Variants in ERICH1 observed in about 807,000 individuals in gnomAD.
ERICH1 encodes glutamate-rich protein 1.
A neutral mutation model predicts 39.6 loss-of-function variants in ERICH1; 56 were observed. The ratio of observed to expected loss-of-function variants is 1.41; its 90% confidence interval spans 1.14 to 1.77. The LOEUF is 1.77. ERICH1 is among the 40% of genes most tolerant of loss of function. The pLI, the probability that ERICH1 is intolerant of heterozygous loss-of-function variation, is 0.00. For synonymous variants in ERICH1, 313 were observed against 223.6 expected (o/e 1.40, Z -3.57); for missense variants, 826 against 575.4 (o/e 1.44, Z -4.45).
chr8:638,934 C>T (rs889080879), intron 3 of ERICH1, among the ~76,000 whole-genome samples: 1 of 152,128 alleles, frequency 6.6e-6, no homozygotes, highest in Non-Finnish European at 1.5e-5. Context: ...CCTGACAAGA[C>T]AGTTTTGAAC....
intron 2 of ERICH1, among the ~76,000 whole-genome samples, chr8:698,081 G>A (rs367766240): frequency 2.6e-4 from 40 of 152,242 alleles, no homozygotes; most frequent in African/African-American, 8.7e-4. Flanking sequence ...GGAGGCATGC[G>A]CTCTGCGCCC....
chr8:722,186 C>T (rs779372802), intron 1 of ERICH1, among the ~76,000 whole-genome samples: 2 of 151,092 alleles, frequency 1.3e-5, no homozygotes, highest in Non-Finnish European at 2.9e-5. Flanking sequence ...AAGCAATCAC[C>T]GGAAAATAAA....
At chr8:662,705 G>C (rs77942954), downstream of ERICH1, among the ~76,000 whole-genome samples, 1 of 152,240 alleles carries the variant, frequency 6.6e-6, no homozygotes, top group African/African-American at 2.4e-5. Context: ...GAGGTTTGCA[G>C]GCTGGTGCCT....
chr8:622,595 T>G (rs1009060328), intron 3 of ERICH1, among the ~76,000 whole-genome samples: 1 of 152,146 alleles, frequency 6.6e-6, no homozygotes, highest in Non-Finnish European at 1.5e-5. Flanking sequence ...TATTTTGATA[T>G]CACAGTCCAA....
chr8:614,967 G>C, exon 4 of ERICH1: 1 of 367,200 alleles, frequency 2.7e-6, no homozygotes, highest in Non-Finnish European at 4.8e-6. Context: ...CTGTGACTGA[G>C]CCACAGGCTC....
Position 668,752 on chromosome 8 carries a change from G to A in ERICH1, c.1104C>T (p.Ala368=), listed in dbSNP as rs544295245. 2.6e-5 allele frequency: 42 copies of A among 1,612,914 alleles called. No individual in the cohort carries two copies. Among genetic ancestry groups the A allele is most frequent in the South Asian group, 4.4e-5 (4 of 91,032 alleles). The change falls in exon 5 of 6, where the codon GCC becomes GCT. Residue 368 remains alanine (A), a synonymous_variant. Coordinates refer to ENST00000262109, the MANE Select transcript of ERICH1 (RefSeq NM_207332.3). ...RDAASAALAD[A]AEELLDRLAS... ...CAAGGCGGTCCAGCAGCTCCTCAGC[G>A]GCATCTGCGAGGGCAGCTGAAGCTG...
intron 2 of ERICH1, among the ~76,000 whole-genome samples, chr8:697,382 G>C (rs1810570770): frequency 6.6e-6 from 1 of 152,156 alleles, no homozygotes; most frequent in Non-Finnish European, 1.5e-5. Context: ...TGAATCGGCA[G>C]GAAAAAGTGC....
chr8:730,428 T>A (rs547013818), intron 1 of ERICH1, among the ~76,000 whole-genome samples: 3 of 152,232 alleles, frequency 2.0e-5, no homozygotes, highest in Admixed American at 1.3e-4. Flanking sequence ...AGCGCCTGAA[T>A]TAATCCAAGT....
chr8:719,735 C>G (rs562989118), intron 1 of ERICH1, among the ~76,000 whole-genome samples: 130 of 152,336 alleles, frequency 8.5e-4, no homozygotes, highest in African/African-American at 3.0e-3. Flanking sequence ...AGTGCCCACA[C>G]TTGCACATGT....
At position 673,950 on chromosome 8, in the gene ERICH1, T is replaced by C; in HGVS notation, c.402A>G (p.Ala134=). The C allele has an allele frequency of 1.2e-6, 2 of 1,610,334 alleles. No individual in the cohort carries two copies. Among genetic ancestry groups the C allele is most frequent in the Admixed American group, 1.7e-5 (1 of 59,568 alleles). The stretch of plus-strand genomic sequence containing the variant: ...ACAGACTCTGCTGTTTCTCTAATTC[T>C]GCTTGTTCTATAAGAACATTATTGG... ...KNPNNVLIEQ[A]ELEKQQSLLQ... The change falls in exon 4 of 6, where the codon GCA becomes GCG. Residue 134 remains alanine (A), a synonymous_variant. Coordinates refer to ENST00000262109, the MANE Select transcript of ERICH1 (RefSeq NM_207332.3).
chr8:641,654 C>T (rs1286627952), intron 3 of ERICH1, among the ~76,000 whole-genome samples: 1 of 152,208 alleles, frequency 6.6e-6, no homozygotes, highest in African/African-American at 2.4e-5. Context: ...GTGATCTAAT[C>T]AGTGGAGAAC....
intron 3 of ERICH1, among the ~76,000 whole-genome samples, chr8:650,618 C>A (rs1001714956): frequency 4.6e-5 from 7 of 152,198 alleles, no homozygotes; most frequent in Non-Finnish European, 7.3e-5. Flanking sequence ...TCAACGCGCT[C>A]AGATTCCAGA....
chr8:716,183 C>T (rs1485247247), intron 1 of ERICH1, among the ~76,000 whole-genome samples, 176 bp from the exon 2 acceptor site: 3 of 152,260 alleles, frequency 2.0e-5, no homozygotes, highest in African/African-American at 7.2e-5. Flanking sequence ...CCAGACTCTG[C>T]CCGCAGAGGA....
At chr8:726,768 C>T (rs1818818424) in intron 1 of ERICH1, among the ~76,000 whole-genome samples, 1 of 151,964 alleles carries the variant, frequency 6.6e-6, no homozygotes, top group African/African-American at 2.4e-5. Flanking sequence ...CACACAGACA[C>T]ATGTACACAT....
intron 2 of ERICH1, among the ~76,000 whole-genome samples, chr8:709,608 A>T (rs55970100): frequency 0.25 from 38,122 of 152,236 alleles, 5,720 homozygotes; most frequent in Non-Finnish European, 0.34. Flanking sequence ...TATCTTACAG[A>T]TGCCACTGAA....
chr8:663,410 C>T (rs1256600378), downstream of ERICH1, among the ~76,000 whole-genome samples: 2 of 152,192 alleles, frequency 1.3e-5, no homozygotes, highest in Non-Finnish European at 2.9e-5. Context: ...CCCAGCAGCC[C>T]GCCTGACACC....
intron 3 of ERICH1, among the ~76,000 whole-genome samples, chr8:641,830 G>T (rs565956153): frequency 6.6e-6 from 1 of 152,078 alleles, no homozygotes; most frequent in Non-Finnish European, 1.5e-5. Flanking sequence ...CAGAATCAAC[G>T]CCCCGGCTCT....
intron 1 of ERICH1, among the ~76,000 whole-genome samples, chr8:717,728 C>A (rs760364930): frequency 6.6e-6 from 1 of 152,254 alleles, no homozygotes; most frequent in Admixed American, 6.5e-5. Context: ...GGGCAGCCAA[C>A]GCGGACATGT....
At chr8:621,753 G>A (rs1347781544) in intron 3 of ERICH1, among the ~76,000 whole-genome samples, 1 of 151,948 alleles carries the variant, frequency 6.6e-6, no homozygotes, top group Non-Finnish European at 1.5e-5. Context: ...ATGGAAGGGA[G>A]GACATCTTAT....
Sources: allele counts gnomAD v4.1 joint callset (sites outside exome capture counted in the v4.1 genomes callset), GRCh38; gene constraint gnomAD v4.1.1; transcripts MANE v1.5; gene names NCBI Gene and HGNC (gene_info 2026-07-23, HGNC 2026-07-21).